Variants in DPP6 observed in about 807,000 individuals in gnomAD.
DPP6 encodes the protein A-type potassium channel modulatory protein DPP6.
A neutral mutation model predicts 122.6 loss-of-function variants in DPP6; 69 were observed. The ratio of observed to expected loss-of-function variants is 0.56; its 90% CI spans 0.46 to 0.69. The LOEUF (loss-of-function observed/expected upper bound fraction) is 0.69, where lower values mean the gene tolerates loss of function less well. Among genes scored for constraint, DPP6 ranks in the 30% least tolerant of loss-of-function variants. The pLI is 0.00. For synonymous variants in DPP6, 418 were observed against 433.1 expected, an observed-to-expected ratio of 0.97 and a Z score of 0.43; for missense variants, 928 against 1,116.9, an observed-to-expected ratio of 0.83 and a Z score of 2.41.
intron 1 of DPP6, among the ~76,000 whole-genome samples, chr7:153,911,294 T>C (rs969672093): frequency 2.0e-5 from 3 of 152,212 alleles, no homozygotes; most frequent in Admixed American, 6.5e-5. Flanking sequence ...GTCCACACTC[T>C]GTGCCCCTTC....
intron 3 of DPP6, among the ~76,000 whole-genome samples, chr7:154,524,903 A>G (rs1827280126): frequency 6.6e-6 from 1 of 151,952 alleles, no homozygotes; most frequent in Admixed American, 6.6e-5. Flanking sequence ...GATATTTTAG[A>G]TTTATAATAT....
At chr7:153,867,862 G>T in the DPP6 span, among the ~76,000 whole-genome samples, 35 of 152,234 alleles carry the variant, frequency 2.3e-4, no homozygotes, top group Non-Finnish European at 3.1e-4. Flanking sequence ...TAGCATGAAG[G>T]GTTGTTGAAT....
intron 21 of DPP6, chr7:154,884,094 T>C (rs1251093307): frequency 7.6e-6 from 1 of 130,890 alleles, no homozygotes; most frequent in Non-Finnish European, 1.6e-5. Context: ...ACACACATGC[T>C]CACCCATACA....
At chr7:154,227,215 G>GACACACACACACATACACACACACACAC (rs1554495535) in intron 1 of DPP6, among the ~76,000 whole-genome samples, 5 of 141,356 alleles carry the variant, frequency 3.5e-5, no homozygotes, top group African/African-American at 1.3e-4. Flanking sequence ...GAAAATGAGG[G>GACACACACACACATACACACACACACAC]ACACACACAC....
rs140619193 is a variant in DPP6, at chr7:153,978,726, A to G, written c.51+90992A>G. Among the ~76,000 whole-genome samples the G allele has an allele frequency of 1.6e-3, 247 of 152,264 alleles. 2 individuals carry two copies. The highest frequency in any genetic ancestry group is 4.6e-3 in the African/African-American group (191 of 41,516). On this transcript the variant is annotated intron_variant, in intron 1 of 25. Transcript: ENST00000404039. ...CTTTATCTTAAGTTAATTTTTGTAT[A>G]AAGTGTAAGGAAAACGTCCAGTTTC...
At chr7:154,350,838 G>T (rs1810790749) in intron 1 of DPP6, among the ~76,000 whole-genome samples, 1 of 152,178 alleles carries the variant, frequency 6.6e-6, no homozygotes, top group Non-Finnish European at 1.5e-5. Context: ...TTACATGGGT[G>T]TTTTTAAGGG....
At chr7:154,341,139 CT>C (rs1360024206) in intron 1 of DPP6, among the ~76,000 whole-genome samples, 1 of 152,200 alleles carries the variant, frequency 6.6e-6, no homozygotes, top group Non-Finnish European at 1.5e-5. Context: ...CAAAATTACT[CT>C]GTCCCCATTT....
At chr7:153,972,207 A>T (rs1796055313) in intron 1 of DPP6, among the ~76,000 whole-genome samples, 1 of 150,910 alleles carries the variant, frequency 6.6e-6, no homozygotes, top group Non-Finnish European at 1.5e-5. Flanking sequence ...GTGCTCTAGG[A>T]GGAGTGAAGG....
At chr7:154,110,157 G>C (rs1351965949) in intron 1 of DPP6, among the ~76,000 whole-genome samples, 6 of 152,054 alleles carry the variant, frequency 3.9e-5, no homozygotes, top group African/African-American at 1.2e-4. Flanking sequence ...AATGGGTGGG[G>C]AGTTTTGTGC....
chr7:154,854,000 A>C (rs1253738331), intron 17 of DPP6, among the ~76,000 whole-genome samples, 173 bp downstream of exon 17: 2 of 152,096 alleles, frequency 1.3e-5, no homozygotes, highest in Non-Finnish European at 1.5e-5. Flanking sequence ...ATATGATGAA[A>C]GTCAAAGTCC....
At chr7:154,739,517 T>G (rs1322266560) in intron 8 of DPP6, among the ~76,000 whole-genome samples, 1 of 152,174 alleles carries the variant, frequency 6.6e-6, no homozygotes, top group Non-Finnish European at 1.5e-5. Context: ...TTGAATGAGC[T>G]GCAAATAGAA....
At chr7:153,914,652 T>A (rs887226801) in intron 1 of DPP6, among the ~76,000 whole-genome samples, 1 of 152,230 alleles carries the variant, frequency 6.6e-6, no homozygotes, top group Non-Finnish European at 1.5e-5. Flanking sequence ...GGAAACTTCA[T>A]CTCATCTCAT....
At chr7:154,346,179 C>G (rs1052518255) in intron 1 of DPP6, among the ~76,000 whole-genome samples, 1 of 152,192 alleles carries the variant, frequency 6.6e-6, no homozygotes, top group African/African-American at 2.4e-5. Context: ...CACTCTTTCT[C>G]AGAGGTTGGC....
chr7:154,555,517 A>G (rs1196056196), intron 4 of DPP6, among the ~76,000 whole-genome samples: 1 of 152,114 alleles, frequency 6.6e-6, no homozygotes, highest in Non-Finnish European at 1.5e-5. Context: ...CCTAATGCTA[A>G]ATGACGAGTT....
intron 1 of DPP6, among the ~76,000 whole-genome samples, chr7:154,234,482 G>C (rs776328921): frequency 2.0e-5 from 3 of 152,088 alleles, no homozygotes; most frequent in Non-Finnish European, 2.9e-5. Flanking sequence ...CAACAGCCAG[G>C]CATTTTCTCC....
intron 3 of DPP6, among the ~76,000 whole-genome samples, chr7:154,535,283 G>A (rs1828148039): frequency 6.6e-6 from 1 of 151,920 alleles, no homozygotes; most frequent in Non-Finnish European, 1.5e-5. Context: ...AAGAAAACAT[G>A]AGATAAAATC....
chr7:154,140,675 A>G (rs1399754092), intron 1 of DPP6, among the ~76,000 whole-genome samples: 1 of 152,204 alleles, frequency 6.6e-6, no homozygotes, highest in Non-Finnish European at 1.5e-5. Context: ...CAGTCTATAC[A>G]CAATAACCTG....
the DPP6 span, among the ~76,000 whole-genome samples, chr7:153,758,464 T>C: frequency 4.6e-5 from 7 of 151,940 alleles, no homozygotes; most frequent in Non-Finnish European, 7.4e-5. Context: ...GCAATGAGCA[T>C]ATGTGCCATT....
the DPP6 span, among the ~76,000 whole-genome samples, chr7:153,776,061 A>G: frequency 6.6e-6 from 1 of 152,192 alleles, no homozygotes. Context: ...ACAGATACTG[A>G]CAAGTTCATT....
Sources: gnomAD v4.1 joint callset for allele counts (sites outside exome capture counted in the v4.1 genomes callset) on GRCh38, gnomAD v4.1.1 for gene constraint, MANE v1.5 for transcripts, NCBI Gene and HGNC (gene_info 2026-07-23, HGNC 2026-07-21) for gene names.